Variants in ATP13A2 observed in about 807,000 individuals in gnomAD.
The protein encoded by ATP13A2 is ATPase cation transporting 13A2, also known as polyamine-transporting ATPase 13A2.
ATP13A2 carries 83 observed loss-of-function variants against 138.3 expected under a neutral mutation model. The observed-to-expected ratio is 0.60, with a 90% confidence interval of 0.50 to 0.72. The LOEUF (loss-of-function observed/expected upper bound fraction) is 0.72, where lower values mean the gene tolerates loss of function less well. Ranked by LOEUF, ATP13A2 falls within the 30% of genes least tolerant of loss-of-function variation. The probability of loss-of-function intolerance (pLI) is 0.00; values close to 1 mark genes in which losing one functional copy is unlikely to be tolerated. For missense variants in ATP13A2, 1,402 were observed against 1,606.4 expected (o/e 0.87, Z 2.17); for synonymous variants, 663 against 699.0 (o/e 0.95, Z 0.81).
chr1:16,996,225 G>A (rs1246802409), intron 14 of ATP13A2, 29 bp downstream of exon 14: 2 of 1,614,146 alleles, frequency 1.2e-6, no homozygotes, highest in Non-Finnish European at 1.7e-6. Context: ...CCTGCTGGCA[G>A]CACCCCCCAC....
At position 16,991,993 on chromosome 1, in the gene ATP13A2, C is replaced by T. The variant is rs746132666; in HGVS notation, c.2126+16G>A. On this transcript the variant is annotated intron_variant, in intron 19 of 28. Transcript: ENST00000326735. ...TGCCTAGTCCTCAGAGTGGGTGGGA[C>T]AGGAGACAGGCCCACCTCGTCAGTT... 2 of 1,610,990 alleles carry T rather than the reference C, an allele frequency of 1.2e-6. No homozygotes were observed. Among genetic ancestry groups the T allele is most frequent in the South Asian group, 2.2e-5 (2 of 91,002 alleles).
At chr1:16,990,087 C>T (rs778229092) in intron 21 of ATP13A2, 40 bp downstream of exon 21, 1 of 1,613,950 alleles carries the variant, frequency 6.2e-7, no homozygotes, top group Non-Finnish European at 8.5e-7. Flanking sequence ...GGGGTGGGGT[C>T]ACTGGGTGAG....
In ATP13A2 at chr1:16,988,348, A is replaced by T. The variant is rs1297111699; in HGVS notation, c.2736T>A (p.Ser912Arg). 1.9e-6 allele frequency: 3 copies of T among 1,613,978 alleles called. No homozygotes were observed. The highest frequency in any genetic ancestry group is 1.3e-5 in the African/African-American group (1 of 74,918). Residue 912 changes from serine (S) to arginine (R), a missense_variant, in exon 24 of 29, where the codon AGT becomes AGA. Coordinates refer to ENST00000326735, the MANE Select transcript of ATP13A2 (RefSeq NM_022089.4). ...TGATGACCATGGGCACGCACTCAAT[A>T]CTGGCCATGCTCGAGGTGAAGGGTG... is the stretch of plus-strand genomic sequence containing the variant. ...VVSPFTSSMA[S>R]IECVPMVIRE...
In ATP13A2 at chr1:17,002,114, G is replaced by A; in HGVS notation, c.636-11C>T. The A allele has an allele frequency of 6.2e-7, 1 of 1,612,732 alleles. No individual in the cohort carries two copies. Among genetic ancestry groups the A allele is most frequent in the Non-Finnish European group, 8.5e-7 (1 of 1,179,342 alleles). On this transcript the variant is annotated splice_polypyrimidine_tract_variant and intron_variant, in intron 7 of 28. Coordinates refer to ENST00000326735, the MANE Select transcript of ATP13A2 (RefSeq NM_022089.4). Reference sequence around the variant, plus strand: ...CCGTAAATGGCCTTCCTGGAAGAGGGGATGAGGCCAAGCCATCAGAAGGAG... The same window carrying A: ...CCGTAAATGGCCTTCCTGGAAGAGGAGATGAGGCCAAGCCATCAGAAGGAG...
In ATP13A2 at chr1:16,986,611, G is replaced by T. The variant is rs370677966; in HGVS notation, c.3257C>A (p.Ala1086Glu). ...GCCCACCAGGACGGAGCTCAGGAGC[G>T]CCAGGGCCACCAGGAAGGGCACTGG... ...YTNVPFLVAL[A>E]LLSSVLVGLV... Residue 1086 changes from alanine (A) to glutamate (E), a missense_variant, in exon 28 of 29, where the codon GCG becomes GAG. Ala to Glu is a moderately radical substitution (Grantham distance 107, BLOSUM62 -1). Transcript: ENST00000326735. This position sits in a 1 kb window ranked among gnomAD's most constrained non-coding sequence, Gnocchi z 6.9. The T allele has an allele frequency of 1.2e-6, 2 of 1,609,676 alleles. No individual in the cohort carries two copies. Among genetic ancestry groups the T allele is most frequent in the African/African-American group, 1.3e-5 (1 of 74,850 alleles).
Position 16,990,195 on chromosome 1 carries a change from C to G in ATP13A2, c.2344G>C (p.Glu782Gln). Reference protein sequence around the residue: ...HLIIVHATHPERGQPASLEFL... With the variant: ...HLIIVHATHPQRGQPASLEFL... ...TCGAGAGAGGCAGGCTGACCCCGCT[C>G]AGGGTGGGTGGCGTGGACGATGATC... Residue 782 changes from glutamate (E) to glutamine (Q), a missense_variant, in exon 21 of 29, where the codon GAG (glutamate) becomes CAG (glutamine). Coordinates refer to ENST00000326735, the MANE Select transcript of ATP13A2 (RefSeq NM_022089.4). 1 of 1,613,986 alleles carries G rather than the reference C, an allele frequency of 6.2e-7. No homozygotes were observed. The highest frequency in any genetic ancestry group is 8.5e-7 in the Non-Finnish European group (1 of 1,180,022).
chr1:17,007,850 G>A (rs943753058), intron 1 of ATP13A2, among the ~76,000 whole-genome samples: 19 of 145,110 alleles, frequency 1.3e-4, no homozygotes, highest in African/African-American at 3.4e-4. Flanking sequence ...AGCGCCCGGC[G>A]AGCCCTTCTA....
Position 16,995,139 on chromosome 1 carries a change from CTA to C in ATP13A2, c.1542+835_1542+836del, listed in dbSNP as rs2077072926. ...GCCCCAGGCACACGGTACATCTGTG[CTA>C]TGACACTCCCACCTTTTACCCTTGC... On this transcript the variant is annotated intron_variant, in intron 15 of 28. Transcript: ENST00000326735. The surrounding 1 kb of genome is among the most constrained non-coding windows in gnomAD (Gnocchi z 4.1). 1.3e-5 allele frequency among the ~76,000 whole-genome samples: 2 copies of C among 152,222 alleles called. No homozygotes were observed. The highest frequency in any genetic ancestry group is 4.8e-5 in the African/African-American group (2 of 41,450).
At position 17,004,656 on chromosome 1, in the gene ATP13A2, G is replaced by C. The variant is rs376993192; in HGVS notation, c.477+36C>G. 2.0e-4 allele frequency: 316 copies of C among 1,613,912 alleles called. 2 individuals are homozygous for C. In the Middle Eastern group the frequency reaches 7.4e-3, roughly 38 times the overall value. On this transcript the variant is annotated intron_variant, in intron 5 of 28. Transcript: ENST00000326735. This position sits in a 1 kb window ranked among gnomAD's most constrained non-coding sequence, Gnocchi z 4.1. ...CCCATTGCACAGATCATGAAACCGA[G>C]GCCGAGAGAGGGGCAAGGACTTTTT...
rs1407939803 is a variant in ATP13A2 at position 16,997,013 on chromosome 1, C to T, written c.1195+7G>A. On this transcript the variant is annotated splice_region_variant and intron_variant, in intron 12 of 28. Coordinates refer to ENST00000326735, the MANE Select transcript of ATP13A2 (RefSeq NM_022089.4). ...ATCTCTCTCAAGCCCAGCCTCCCGG[C>T]TCATACCTGTGCGGGTCACCACTGC... 10 of 1,611,352 alleles carry T rather than the reference C, an allele frequency of 6.2e-6. No individual in the cohort carries two copies. Among genetic ancestry groups the T allele is most frequent in the Non-Finnish European group, 8.5e-6 (10 of 1,179,700 alleles).
rs896604668 is a variant in ATP13A2, at chr1:16,995,435, C to T, written c.1542+541G>A. 5.5e-5 allele frequency: 14 copies of T among 254,394 alleles called. No individual in the cohort carries two copies. The highest frequency in any genetic ancestry group is 2.5e-4 in the African/African-American group (11 of 43,838). The allele number at this position is 254,394 out of a possible 1,614,324, so 15.8% of individuals were successfully genotyped here. On this transcript the variant is annotated intron_variant, in intron 15 of 28. Transcript: ENST00000326735. The surrounding 1 kb of genome is among the most constrained non-coding windows in gnomAD (Gnocchi z 4.1). ...TGGGCCCCAAGGGTTGGGAGCAGCA[C>T]GGGATGCACACTAGGGCCCCAGGTC... is the stretch of plus-strand genomic sequence containing the variant.
Position 16,988,228 on chromosome 1 carries a change from C to T in ATP13A2, c.2769G>A (p.Gly923=), listed in dbSNP as rs755438239. The stretch of plus-strand genomic sequence containing the variant: ...TGAACGAAGTGTCAAGGGAACAGCG[C>T]CCCTCCCTGGGTGGCAGGGCACGGA... ...IECVPMVIRE[G]RCSLDTSFSV... The change falls in exon 25 of 29, where the codon GGG becomes GGA. Residue 923 remains glycine (G), a synonymous_variant. Coordinates refer to ENST00000326735, the MANE Select transcript of ATP13A2 (RefSeq NM_022089.4). The T allele has an allele frequency of 1.2e-6, 2 of 1,614,102 alleles. No homozygotes were observed. The highest frequency in any genetic ancestry group is 1.7e-5 in the Admixed American group (1 of 60,012).
Position 17,004,373 on chromosome 1 carries a change from G to A in ATP13A2, c.516C>T (p.Arg172=). The change falls in exon 6 of 29, where the codon CGC becomes CGT. Residue 172 remains arginine, a synonymous_variant. Coordinates refer to ENST00000326735, the MANE Select transcript of ATP13A2 (RefSeq NM_022089.4). The surrounding 1 kb of genome is among the most constrained non-coding windows in gnomAD (Gnocchi z 4.1). ...VLRYYLFQGQ[R]YIWIETQQAF... ...CTTGCTGGGTCTCGATCCAGATATA[G>A]CGCTGGCCCTGGAAGAGGTAATACC... The A allele has an allele frequency of 1.2e-6, 2 of 1,614,122 alleles. No individual in the cohort carries two copies. Among genetic ancestry groups the A allele is most frequent in the South Asian group, 1.1e-5 (1 of 91,062 alleles).
intron 11 of ATP13A2, among the ~76,000 whole-genome samples, chr1:16,998,783 G>T (rs762564415): frequency 6.6e-6 from 1 of 152,150 alleles, no homozygotes; most frequent in Non-Finnish European, 1.5e-5. Context: ...CAGCCATGAG[G>T]TGGGGCCATC....
In ATP13A2 at chr1:16,987,027, C is replaced by G; in HGVS notation, c.3083+19G>C. 4 of 1,613,014 alleles carry G rather than the reference C, an allele frequency of 2.5e-6. No individual in the cohort carries two copies. The highest frequency in any genetic ancestry group is 3.4e-6 in the Non-Finnish European group (4 of 1,179,548). On this transcript the variant is annotated intron_variant, in intron 26 of 28. Coordinates refer to ENST00000326735, the MANE Select transcript of ATP13A2 (RefSeq NM_022089.4). ...AGGGAAGGGGCGGGATGGGGGTGGT[C>G]AGTCAGCTCCCTACTCACCATGGCT...
At position 17,004,746 on chromosome 1, in the gene ATP13A2, G is replaced by A. The variant is rs1258288001; in HGVS notation, c.423C>T (p.Ala141=). The A allele has an allele frequency of 2.0e-5, 33 of 1,613,978 alleles. No homozygotes were observed. The highest frequency in any genetic ancestry group is 2.6e-5 in the Non-Finnish European group (31 of 1,180,036). Residue 141 remains alanine (A), a synonymous_variant, in exon 5 of 29, where the codon GCC becomes GCT. Transcript: ENST00000326735. This position sits in a 1 kb window ranked among gnomAD's most constrained non-coding sequence, Gnocchi z 4.1. ...TGTGGAGCTGGGCCGTATCCTTCCA[G>A]GCACCCTCTGGTACCGCCCCAACTG... ...QAAVGAVPEG[A]WKDTAQLHKS...
chr1:16,993,600 C>A, intron 16 of ATP13A2, 29 bp downstream of exon 16: 4 of 1,557,754 alleles, frequency 2.6e-6, no homozygotes, highest in Non-Finnish European at 3.5e-6. Context: ...TGCCCAGAGG[C>A]AGGGGGCTGA....
Position 17,004,320 on chromosome 1 carries a change from C to T in ATP13A2, c.557+12G>A. ...GGGAGGTGACATGAGCCACACAGGC[C>T]CTGACTCCTACCTGACCTGGTAGAA... On this transcript the variant is annotated intron_variant, in intron 6 of 28. Coordinates refer to ENST00000326735, the MANE Select transcript of ATP13A2 (RefSeq NM_022089.4). The surrounding 1 kb of genome is among the most constrained non-coding windows in gnomAD (Gnocchi z 4.1). The T allele has an allele frequency of 6.2e-7, 1 of 1,612,932 alleles. No individual in the cohort carries two copies. The highest frequency in any genetic ancestry group is 8.5e-7 in the Non-Finnish European group (1 of 1,179,554).
chr1:16,988,192 C>T lies in ATP13A2; in HGVS notation c.2805G>A (p.Lys935=), dbSNP rs375014566. ...GGGTCAGGCTGTACAGAGCCATGTA[C>T]TTGAAGACGCTGAACGAAGTGTCAA... ...CSLDTSFSVF[K]YMALYSLTQF... is the part of the protein sequence containing the mutation. The change falls in exon 25 of 29, where the codon AAG becomes AAA. Residue 935 remains lysine (K), a synonymous_variant. Transcript: ENST00000326735. 80 of 1,614,086 alleles carry T rather than the reference C, an allele frequency of 5.0e-5. No individual in the cohort carries two copies. Among genetic ancestry groups the T allele is most frequent in the Non-Finnish European group, 6.3e-5 (74 of 1,180,032 alleles).
Sources: allele counts gnomAD v4.1 joint callset (sites outside exome capture counted in the v4.1 genomes callset), GRCh38; gene constraint gnomAD v4.1.1; non-coding constraint Gnocchi (gnomAD v3.1); transcripts MANE v1.5; gene names NCBI Gene and HGNC (gene_info 2026-07-23, HGNC 2026-07-21).